Variants in FBXO42 observed in about 807,000 individuals in gnomAD.
The protein encoded by FBXO42 is F-box protein 42.
A neutral mutation model predicts 71.7 loss-of-function variants in FBXO42; 12 were observed. The observed-to-expected ratio is 0.17, with a 90% CI of 0.11 to 0.27. FBXO42 has a LOEUF of 0.27. Among genes scored for constraint, FBXO42 ranks in the 10% least tolerant of loss-of-function variants. The probability of loss-of-function intolerance (pLI) is 1.00; values close to 1 mark genes in which losing one functional copy is unlikely to be tolerated. For synonymous variants in FBXO42, 325 were observed against 327.5 expected, an observed-to-expected ratio of 0.99 and a Z score of 0.08; for missense variants, 707 against 911.9, an observed-to-expected ratio of 0.78 and a Z score of 2.89.
intron 4 of FBXO42, among the ~76,000 whole-genome samples, chr1:16,257,701 G>A (rs2081660425): frequency 6.6e-6 from 1 of 152,006 alleles, no homozygotes; most frequent in Non-Finnish European, 1.5e-5. Context: ...TTCCTTTGGA[G>A]GTGGAGTCTC....
chr1:16,345,452 A>G (rs537059666), intron 1 of FBXO42, among the ~76,000 whole-genome samples: 1 of 151,892 alleles, frequency 6.6e-6, no homozygotes, highest in Non-Finnish European at 1.5e-5. Flanking sequence ...ATAAAATAAA[A>G]TTTTCTAGTT....
chr1:16,283,206 A>C (rs1021898929), intron 4 of FBXO42, among the ~76,000 whole-genome samples: 19 of 152,180 alleles, frequency 1.2e-4, no homozygotes, highest in African/African-American at 4.3e-4. Context: ...ATTCAGAGGC[A>C]AATAACTGAG....
At position 16,247,631 on chromosome 1, in the gene FBXO42, CG is replaced by C. The variant is rs1195914015; in HGVS notation, c.*3038del. On this transcript the variant is annotated 3_prime_UTR_variant, in exon 10 of 10. Coordinates refer to ENST00000375592, the MANE Select transcript of FBXO42 (RefSeq NM_018994.3). Reference sequence around the variant, plus strand: ...GGTTTTCAGCTGTTGCTGTAAAACTCGAACATTAAAATCAAATCAATCCACA... The same window carrying C: ...GGTTTTCAGCTGTTGCTGTAAAACTCAACATTAAAATCAAATCAATCCACA... 6.6e-6 allele frequency: 1 copy of C among 152,048 alleles called. No individual in the cohort carries two copies. The highest frequency in any genetic ancestry group is 2.4e-5 in the African/African-American group (1 of 41,394). 9.4% of individuals were successfully genotyped at this position (152,048 alleles called of 1,614,324 possible).
intron 3 of FBXO42, among the ~76,000 whole-genome samples, chr1:16,301,199 C>T (rs2082190005): frequency 6.6e-6 from 1 of 152,164 alleles, no homozygotes; most frequent in East Asian, 1.9e-4. Context: ...GCACCTGGCC[C>T]TAGAATTGGC....
At position 16,283,494 on chromosome 1, in the gene FBXO42, G is replaced by GTTTTTTTTTTTTTTTTTT. The variant is rs386366300; in HGVS notation, c.502+11271_502+11288dup. 1.1e-3 allele frequency among the ~76,000 whole-genome samples: 92 copies of GTTTTTTTTTTTTTTTTTT among 80,980 alleles called. 11 individuals are homozygous for GTTTTTTTTTTTTTTTTTT. Among genetic ancestry groups the GTTTTTTTTTTTTTTTTTT allele is most frequent in the African/African-American group, 3.9e-3 (87 of 22,480 alleles). 53.1% of individuals were successfully genotyped at this position (80,980 alleles called of 152,430 possible). A position where few individuals can be genotyped will look rare whatever the true frequency, so the allele number is the denominator to read the frequency against. ...TTATAGACTCTTCTAACTGTGGCAAGTTTTTTTTTTTTTTTTTTTTTTTGA... is the reference window on the plus strand; with the variant it reads ...TTATAGACTCTTCTAACTGTGGCAAGTTTTTTTTTTTTTTTTTTTTTTTTTTTTTTTTTTTTTTTTTGA... On this transcript the variant is annotated intron_variant, in intron 4 of 9. Coordinates refer to ENST00000375592, the MANE Select transcript of FBXO42 (RefSeq NM_018994.3).
Position 16,250,016 on chromosome 1 carries a change from G to C in FBXO42, c.*654C>G, listed in dbSNP as rs1169419619. 1 of 152,208 alleles carries C rather than the reference G, an allele frequency of 6.6e-6. No homozygotes were observed. Among genetic ancestry groups the C allele is most frequent in the African/African-American group, 2.4e-5 (1 of 41,450 alleles). 9.4% of individuals were successfully genotyped at this position (152,208 alleles called of 1,614,324 possible). On this transcript the variant is annotated 3_prime_UTR_variant, in exon 10 of 10. Transcript: ENST00000375592. This position sits in a 1 kb window ranked among gnomAD's most constrained non-coding sequence, Gnocchi z 4.7. ...ACCAATGGACACTACTAGGCGGTCAGATGTTGGCTGCATAAACATTATTTC... is the reference window on the plus strand; with the variant it reads ...ACCAATGGACACTACTAGGCGGTCACATGTTGGCTGCATAAACATTATTTC...
chr1:16,254,372 A>C (rs1159659222), intron 6 of FBXO42, among the ~76,000 whole-genome samples: 1 of 152,242 alleles, frequency 6.6e-6, no homozygotes, highest in Non-Finnish European at 1.5e-5. Flanking sequence ...ATTGTCCAGG[A>C]GTTAAAAGCT....
At chr1:16,267,044 A>G (rs1054064956) in intron 4 of FBXO42, among the ~76,000 whole-genome samples, 1 of 152,214 alleles carries the variant, frequency 6.6e-6, no homozygotes, top group Non-Finnish European at 1.5e-5. Flanking sequence ...GGATAAAAGG[A>G]TAATTGAGAA....
In FBXO42 at chr1:16,248,204, C is replaced by A. The variant is rs1202569929; in HGVS notation, c.*2466G>T. On this transcript the variant is annotated 3_prime_UTR_variant, in exon 10 of 10. Coordinates refer to ENST00000375592, the MANE Select transcript of FBXO42 (RefSeq NM_018994.3). ...TGAAGTCCCACCGCACAGGTGGCTT[C>A]AGGAGGCCTGAGGAGACAATCACCT... The A allele has an allele frequency of 6.6e-6, 1 of 152,180 alleles. No homozygotes were observed. Among genetic ancestry groups the A allele is most frequent in the African/African-American group, 2.4e-5 (1 of 41,434 alleles). 9.4% of individuals were successfully genotyped at this position (152,180 alleles called of 1,614,324 possible). A position where few individuals can be genotyped will look rare whatever the true frequency, so the allele number is the denominator to read the frequency against.
chr1:16,292,987 A>AT (rs2082095285), intron 4 of FBXO42: 1 of 152,292 alleles, frequency 6.6e-6, no homozygotes. Context: ...TCAAAAAACA[A>AT]TACAAAACAA....
rs778402545 is a variant in FBXO42, at chr1:16,253,077, C to T, written c.921+19G>A. On this transcript the variant is annotated intron_variant, in intron 8 of 9. Transcript: ENST00000375592. The stretch of plus-strand genomic sequence containing the variant: ...ACTTAGTAGCATGCACATGGGAATG[C>T]CACAGAAGCAATACTCACAGCATTG... 1.9e-6 allele frequency: 3 copies of T among 1,610,690 alleles called. No individual in the cohort carries two copies. Among genetic ancestry groups the T allele is most frequent in the Non-Finnish European group, 2.5e-6 (3 of 1,178,110 alleles).
intron 4 of FBXO42, among the ~76,000 whole-genome samples, chr1:16,278,601 T>C (rs1053309539): frequency 1.3e-5 from 2 of 152,144 alleles, no homozygotes; most frequent in South Asian, 2.1e-4. Flanking sequence ...CCTGGTGATA[T>C]TACCACAGGC....
intron 4 of FBXO42, among the ~76,000 whole-genome samples, chr1:16,282,265 C>G (rs1425487883): frequency 8.7e-5 from 13 of 150,080 alleles, no homozygotes; most frequent in Non-Finnish European, 1.5e-5. Flanking sequence ...TCACTCTGTC[C>G]CCCAGGCTGG....
At position 16,266,565 on chromosome 1, in the gene FBXO42, A is replaced by G. The variant is rs996696337; in HGVS notation, c.503-9806T>C. Among the ~76,000 whole-genome samples, 90 of 152,228 alleles carry G rather than the reference A, an allele frequency of 5.9e-4. 1 individual carries two copies. Among genetic ancestry groups the G allele is most frequent in the Non-Finnish European group, 1.8e-4 (12 of 68,046 alleles). ...CAAAACTGGCCTTGAGGGCAAAGTA[A>G]TGCCAGATAGACCAGTTAACTAAAA... On this transcript the variant is annotated intron_variant, in intron 4 of 9. Transcript: ENST00000375592.
At chr1:16,350,477 T>G (rs1420801275) in intron 1 of FBXO42, among the ~76,000 whole-genome samples, 5 of 141,870 alleles carry the variant, frequency 3.5e-5, no homozygotes, top group Non-Finnish European at 7.5e-5. Context: ...CTGGGCACGG[T>G]GGCTCAAGCC....
chr1:16,260,397 C>A (rs559416382), intron 4 of FBXO42, among the ~76,000 whole-genome samples: 1 of 151,900 alleles, frequency 6.6e-6, no homozygotes, highest in Non-Finnish European at 1.5e-5. Flanking sequence ...TTAGTAGAGA[C>A]GGGGTTTCAC....
chr1:16,266,513 A>C (rs1032921152), intron 4 of FBXO42, among the ~76,000 whole-genome samples: 1 of 152,204 alleles, frequency 6.6e-6, no homozygotes, highest in Non-Finnish European at 1.5e-5. Flanking sequence ...CTCCAGCTCC[A>C]CAGGCAGTAT....
intron 2 of FBXO42, among the ~76,000 whole-genome samples, chr1:16,311,496 AAAAAAAAATAT>A (rs376335971): frequency 0.15 from 17,855 of 115,934 alleles, 1,217 homozygotes; most frequent in Non-Finnish European, 0.19. Context: ...TCAAAAAAAA[AAAAAAAAATAT>A]ATATATATAT....
chr1:16,324,620 C>T (rs970060768), intron 1 of FBXO42, among the ~76,000 whole-genome samples: 1 of 152,166 alleles, frequency 6.6e-6, no homozygotes, highest in African/African-American at 2.4e-5. Flanking sequence ...GAATTTGAGA[C>T]CAGCCTGGGC....
Sources: gnomAD v4.1 joint callset for allele counts (sites outside exome capture counted in the v4.1 genomes callset) on GRCh38, gnomAD v4.1.1 for gene constraint, Gnocchi (gnomAD v3.1) non-coding constraint, MANE v1.5 for transcripts, NCBI Gene and HGNC (gene_info 2026-07-23, HGNC 2026-07-21) for gene names.